TTBK2: variants seen among roughly 807,000 people sequenced by gnomAD.
TTBK2 encodes tau tubulin kinase 2.
In TTBK2, 28 loss-of-function variants were observed where a neutral mutation model predicts 110.8. That is an observed-to-expected ratio of 0.25 (90% CI 0.19 to 0.35). The LOEUF (loss-of-function observed/expected upper bound fraction) is 0.35, where lower values mean the gene tolerates loss of function less well. Among genes scored for constraint, TTBK2 ranks in the 10% least tolerant of loss-of-function variants. The probability of loss-of-function intolerance (pLI) is 1.00; values close to 1 mark genes in which losing one functional copy is unlikely to be tolerated. For missense variants in TTBK2, 1,369 were observed against 1,500.3 expected, an observed-to-expected ratio of 0.91 and a Z score of 1.45; for synonymous variants, 532 against 527.3, an observed-to-expected ratio of 1.01 and a Z score of -0.12.
At chr15:42,786,513 A>G (rs1890420558) in intron 10 of TTBK2, among the ~76,000 whole-genome samples, 1 of 152,154 alleles carries the variant, frequency 6.6e-6, no homozygotes, top group African/African-American at 2.4e-5. Context: ...TATTCTTTCA[A>G]GTCCCTTTTT....
At chr15:42,789,876 C>CACACACACACACACACACAT (rs768850495) in intron 10 of TTBK2, among the ~76,000 whole-genome samples, 1 of 151,930 alleles carries the variant, frequency 6.6e-6, no homozygotes, top group South Asian at 2.1e-4. Flanking sequence ...CACACACACA[C>CACACACACACACACACACAT]ATATACATTT....
chr15:42,745,005 A>G lies in TTBK2; in HGVS notation c.*790T>C. 6.5e-6 allele frequency: 1 copy of G among 154,374 alleles called. No homozygotes were observed. Among genetic ancestry groups the G allele is most frequent in the Middle Eastern group, 5.2e-4 (1 of 1,924 alleles). The allele number at this position is 154,374 out of a possible 1,614,324, so 9.6% of individuals were successfully genotyped here. ...CCACACTTTCTTTCTCTCCCTAAAC[A>G]CTAAAGCCTGCAAAATAGCTCTAGT... On this transcript the variant is annotated 3_prime_UTR_variant, in exon 15 of 15. Transcript: ENST00000267890.
intron 1 of TTBK2, among the ~76,000 whole-genome samples, chr15:42,905,396 C>T (rs2030329759): frequency 6.6e-6 from 1 of 152,030 alleles, no homozygotes; most frequent in South Asian, 2.1e-4. Flanking sequence ...GTCTCAGCCT[C>T]CCAGGTAGCT....
intron 3 of TTBK2, among the ~76,000 whole-genome samples, chr15:42,866,232 G>A (rs1894367493): frequency 1.3e-5 from 2 of 151,946 alleles, no homozygotes; most frequent in African/African-American, 4.8e-5. Context: ...GAAGTCAGGG[G>A]TTCAGGACCA....
rs376556189 is a variant in TTBK2 at position 42,775,488 on chromosome 15, A to C, written c.1645T>G (p.Ser549Ala). 180 of 1,614,178 alleles carry C rather than the reference A, an allele frequency of 1.1e-4. No individual in the cohort carries two copies. The highest frequency in any genetic ancestry group is 1.4e-4 in the Non-Finnish European group (170 of 1,180,034). ...NLSSCKQEIDSKEWVIVDKEQ... is the reference protein window; with the variant it reads ...NLSSCKQEIDAKEWVIVDKEQ... ...TTGTCCACAATCACCCATTCTTTGG[A>C]ATCAATTTCTTGCTTGCAAGAGCTC... Residue 549 changes from serine (S) to alanine (A), a missense_variant, in exon 13 of 15, where the codon TCC (serine) becomes GCC (alanine). Around this residue, in one of 4 missense-constraint regions of TTBK2, gnomAD observed 1,097 missense variants for 1,114.7 expected, o/e 0.98. Transcript: ENST00000267890.
At chr15:42,826,497 T>G (rs1294452597) in intron 6 of TTBK2, among the ~76,000 whole-genome samples, 1 of 152,326 alleles carries the variant, frequency 6.6e-6, no homozygotes, top group East Asian at 1.9e-4. Flanking sequence ...CTACAGGTAC[T>G]GATGGTAACC....
intron 11 of TTBK2, 54 bp downstream of exon 11, chr15:42,783,365 C>T: frequency 1.3e-6 from 2 of 1,575,470 alleles, no homozygotes; most frequent in African/African-American, 2.7e-5. Flanking sequence ...CTTGGACTTC[C>T]CAGCCTTCTG....
At position 42,777,161 on chromosome 15, in the gene TTBK2, G is replaced by A. The variant is rs377557485; in HGVS notation, c.1279C>T (p.Arg427Cys). The A allele has an allele frequency of 1.2e-5, 20 of 1,614,040 alleles. No individual in the cohort carries two copies. Among genetic ancestry groups the A allele is most frequent in the Middle Eastern group, 3.3e-4 (2 of 6,084 alleles). Reference sequence around the variant, plus strand: ...CTGTCTGGCTGAGTAATCTCTGAGCGGACACGAATTGGTGACCCAAGGCTT... The same window carrying A: ...CTGTCTGGCTGAGTAATCTCTGAGCAGACACGAATTGGTGACCCAAGGCTT... ...APSLGSPIRV[R>C]SEITQPDRDI... The change falls in exon 12 of 15, where the codon CGC becomes TGC. Residue 427 changes from arginine (R) to cysteine (C), a missense_variant. Physicochemically the swap from Arg to Cys is radical, Grantham distance 180. Around this residue, in one of 4 missense-constraint regions of TTBK2, gnomAD observed 1,097 missense variants for 1,114.7 expected, o/e 0.98. Transcript: ENST00000267890.
chr15:42,784,953 AC>A (rs745770778), intron 10 of TTBK2, among the ~76,000 whole-genome samples: 5 of 152,130 alleles, frequency 3.3e-5, no homozygotes, highest in Non-Finnish European at 7.4e-5. Context: ...TGCCCCAAGT[AC>A]TTTCTCCCTG....
chr15:42,842,317 CT>C (rs1893252623), intron 3 of TTBK2, among the ~76,000 whole-genome samples: 1 of 152,086 alleles, frequency 6.6e-6, no homozygotes, highest in Non-Finnish European at 1.5e-5. Flanking sequence ...GAGAAGAACA[CT>C]TTATGAGGGC....
intron 13 of TTBK2, among the ~76,000 whole-genome samples, chr15:42,762,982 GGA>G (rs1198446472): frequency 6.7e-6 from 1 of 148,476 alleles, no homozygotes; most frequent in Non-Finnish European, 1.5e-5. Context: ...GCGGGAACGG[GGA>G]GATAGGGAAA....
intron 4 of TTBK2, among the ~76,000 whole-genome samples, chr15:42,834,217 A>T: frequency 6.6e-6 from 1 of 151,000 alleles, no homozygotes; most frequent in African/African-American, 2.5e-5. Context: ...GTATAAAAGG[A>T]AAGAGATAAA....
intron 3 of TTBK2, among the ~76,000 whole-genome samples, chr15:42,867,895 C>T (rs1894443407): frequency 6.6e-6 from 1 of 152,148 alleles, no homozygotes; most frequent in Non-Finnish European, 1.5e-5. Context: ...ACCAAGATAT[C>T]CCTCAGTAGG....
chr15:42,768,333 A>G (rs1215656894), intron 13 of TTBK2, among the ~76,000 whole-genome samples: 3 of 152,248 alleles, frequency 2.0e-5, no homozygotes, highest in East Asian at 1.9e-4. Context: ...GTCCCTGTTT[A>G]CAGATGACAT....
intron 1 of TTBK2, among the ~76,000 whole-genome samples, chr15:42,887,279 G>A (rs887307726): frequency 5.9e-5 from 9 of 151,896 alleles, no homozygotes; most frequent in Non-Finnish European, 1.0e-4. Context: ...GACTATTCCC[G>A]GGCTATAGCC....
chr15:42,764,460 C>T (rs28542286), intron 13 of TTBK2, among the ~76,000 whole-genome samples: 12,347 of 152,344 alleles, frequency 0.081, 769 homozygotes, highest in African/African-American at 0.17. Flanking sequence ...TTACATCCTG[C>T]GCCAGGCTCA....
intron 10 of TTBK2, among the ~76,000 whole-genome samples, chr15:42,786,736 A>T (rs1293397676): frequency 1.3e-5 from 2 of 152,078 alleles, no homozygotes; most frequent in Non-Finnish European, 2.9e-5. Flanking sequence ...GCTCTCTTTT[A>T]TAGGACTCAG....
chr15:42,822,284 T>C (rs1459855012), intron 6 of TTBK2, among the ~76,000 whole-genome samples: 1 of 152,216 alleles, frequency 6.6e-6, no homozygotes, highest in African/African-American at 2.4e-5. Flanking sequence ...GATATATTTT[T>C]AATTCTTTAA....
intron 1 of TTBK2, among the ~76,000 whole-genome samples, chr15:42,895,874 C>A (rs1217791140): frequency 2.0e-5 from 3 of 151,976 alleles, no homozygotes; most frequent in African/African-American, 7.3e-5. Flanking sequence ...AATCCCAGAA[C>A]ATTTTCACCA....
Sources: gnomAD v4.1 joint callset for allele counts (sites outside exome capture counted in the v4.1 genomes callset) on GRCh38, gnomAD v4.1.1 for gene constraint, gnomAD v4.1.1 regional missense constraint, MANE v1.5 for transcripts, NCBI Gene and HGNC (gene_info 2026-07-23, HGNC 2026-07-21) for gene names.